The following VCL variants were observed in gnomAD, a reference collection of about 807,000 sequenced individuals.
The protein encoded by VCL is vinculin, also known as epididymis luminal protein 114.
A neutral mutation model predicts 125.7 loss-of-function variants in VCL; 47 were observed. The observed-to-expected ratio is 0.37, with a 90% CI of 0.30 to 0.48. The LOEUF (loss-of-function observed/expected upper bound fraction) is 0.48, where lower values mean the gene tolerates loss of function less well. Ranked by LOEUF, VCL falls within the 20% of genes least tolerant of loss-of-function variation. The pLI is 0.99. For missense variants in VCL, 1,069 were observed against 1,455.5 expected, an observed-to-expected ratio of 0.73 and a Z score of 4.32; for synonymous variants, 458 against 514.6, an observed-to-expected ratio of 0.89 and a Z score of 1.49.
chr10:74,069,370 G>T (rs1377278615), intron 2 of VCL, among the ~76,000 whole-genome samples: 1 of 152,144 alleles, frequency 6.6e-6, no homozygotes, highest in Non-Finnish European at 1.5e-5. Flanking sequence ...CAATGTTTGT[G>T]TCTTGCCTTA....
At chr10:74,000,963 T>G (rs556515803) in intron 1 of VCL, among the ~76,000 whole-genome samples, 1 of 152,336 alleles carries the variant, frequency 6.6e-6, no homozygotes, top group Admixed American at 6.5e-5. Flanking sequence ...TGAACAAAGG[T>G]ACTTGTGAGT....
At chr10:74,016,252 G>A (rs1840536211) in intron 1 of VCL, among the ~76,000 whole-genome samples, 1 of 152,044 alleles carries the variant, frequency 6.6e-6, no homozygotes, top group African/African-American at 2.4e-5. Flanking sequence ...TGTTCGTGTT[G>A]TTTTCCTTGG....
chr10:74,116,036 A>G (rs6480716), intron 21 of VCL, among the ~76,000 whole-genome samples: 93,300 of 152,064 alleles, frequency 0.61, 29,252 homozygotes, highest in African/African-American at 0.68. Context: ...TAGCCACACG[A>G]GGCTCATCAC....
chr10:74,025,850 C>A (rs897354765), intron 1 of VCL, among the ~76,000 whole-genome samples: 3 of 152,092 alleles, frequency 2.0e-5, no homozygotes, highest in Non-Finnish European at 4.4e-5. Flanking sequence ...GATGTGAACA[C>A]ACCAGAGTGA....
At chr10:74,061,063 A>G (rs1328636843) in intron 2 of VCL, among the ~76,000 whole-genome samples, 1 of 152,192 alleles carries the variant, frequency 6.6e-6, no homozygotes, top group Non-Finnish European at 1.5e-5. Context: ...TTATTAGTAT[A>G]TAGTTAAGAT....
chr10:74,018,801 C>T (rs556473945), intron 1 of VCL, among the ~76,000 whole-genome samples: 15 of 152,120 alleles, frequency 9.9e-5, no homozygotes, highest in Non-Finnish European at 1.9e-4. Context: ...CTCCAGCCAC[C>T]CAGTTTCCCT....
At chr10:74,101,233 T>C in intron 14 of VCL, 136 bp downstream of exon 14, 1 of 1,283,414 alleles carries the variant, frequency 7.8e-7, no homozygotes, top group Non-Finnish European at 1.1e-6. Flanking sequence ...CACCTATAAT[T>C]CCGGCACTTT....
chr10:74,000,805 A>G (rs1270575530), intron 1 of VCL, among the ~76,000 whole-genome samples: 1 of 152,224 alleles, frequency 6.6e-6, no homozygotes, highest in African/African-American at 2.4e-5. Context: ...GACAAATACA[A>G]AAGAAATAAG....
chr10:74,018,201 T>TATATATATATATATATATAA (rs1433937715), intron 1 of VCL, among the ~76,000 whole-genome samples: 67 of 139,772 alleles, frequency 4.8e-4, no homozygotes, highest in East Asian at 7.9e-4. Flanking sequence ...TATATATATA[T>TATATATATATATATATATAA]AAATACATAT....
At chr10:74,042,373 T>C (rs1370339290) in intron 1 of VCL, among the ~76,000 whole-genome samples, 2 of 152,230 alleles carry the variant, frequency 1.3e-5, no homozygotes, top group African/African-American at 4.8e-5. Context: ...CATTACTGCT[T>C]ATAAGGTATA....
intron 1 of VCL, among the ~76,000 whole-genome samples, chr10:74,017,415 A>G (rs929487138): frequency 6.6e-6 from 1 of 152,044 alleles, no homozygotes; most frequent in Non-Finnish European, 1.5e-5. Context: ...CCATTCATCC[A>G]TTGATGGACA....
intron 15 of VCL, 114 bp downstream of exon 15, chr10:74,104,042 G>A: frequency 9.5e-7 from 1 of 1,052,952 alleles, no homozygotes. Flanking sequence ...CCGGTCACGT[G>A]CTGAGCAGTG....
rs1841649357 is a variant in VCL, at chr10:74,070,661, T to A, written c.240-9T>A. ...CTGCCGGTGTGTTAACCTGTGTTCT[T>A]CCCTATAGGGTTGAGAATGCTTGCA... On this transcript the variant is annotated splice_polypyrimidine_tract_variant and intron_variant, in intron 2 of 21. Transcript: ENST00000211998. 1 of 1,614,082 alleles carries A rather than the reference T, an allele frequency of 6.2e-7. No homozygotes were observed. The highest frequency in any genetic ancestry group is 8.5e-7 in the Non-Finnish European group (1 of 1,180,014).
At position 74,071,586 on chromosome 10, in the gene VCL, T is replaced by C. The variant is rs1038873382; in HGVS notation, c.499+503T>C. On this transcript the variant is annotated intron_variant, in intron 4 of 21. Transcript: ENST00000211998. This position sits in a 1 kb window ranked among gnomAD's most constrained non-coding sequence, Gnocchi z 4.1. ...ATTTTGAAATGATTATTCAGGCATCTGAGCATTAAATATTCAAAATATATA... is the reference window on the plus strand; with the variant it reads ...ATTTTGAAATGATTATTCAGGCATCCGAGCATTAAATATTCAAAATATATA... 6.6e-6 allele frequency among the ~76,000 whole-genome samples: 1 copy of C among 152,236 alleles called. No homozygotes were observed. The highest frequency in any genetic ancestry group is 1.5e-5 in the Non-Finnish European group (1 of 68,034).
intron 2 of VCL, among the ~76,000 whole-genome samples, chr10:74,064,812 A>T (rs1841540672): frequency 6.6e-6 from 1 of 152,258 alleles, no homozygotes; most frequent in Non-Finnish European, 1.5e-5. Flanking sequence ...TTATAAAAAT[A>T]AATCATATGT....
chr10:74,087,209 A>G (rs1839793645), intron 8 of VCL, among the ~76,000 whole-genome samples: 1 of 152,056 alleles, frequency 6.6e-6, no homozygotes, highest in Non-Finnish European at 1.5e-5. Context: ...CTCAACTTCA[A>G]GGAAAAAGTG....
intron 2 of VCL, among the ~76,000 whole-genome samples, chr10:74,052,107 G>A (rs1591674393): frequency 6.6e-6 from 1 of 152,182 alleles, no homozygotes; most frequent in East Asian, 1.9e-4. Flanking sequence ...GAAAGGGGCA[G>A]TAACGTCTGG....
At chr10:74,037,434 T>C (rs1478293046) in intron 1 of VCL, among the ~76,000 whole-genome samples, 1 of 152,222 alleles carries the variant, frequency 6.6e-6, no homozygotes, top group Non-Finnish European at 1.5e-5. Context: ...ACAAAGTGGT[T>C]CTTTGGAAGT....
chr10:74,105,477 GT>G, intron 16 of VCL, 124 bp downstream of exon 16: 1 of 1,161,656 alleles, frequency 8.6e-7, no homozygotes. Context: ...TAGACACTTA[GT>G]TTGAGAATGC....
Sources: gnomAD v4.1 joint callset for allele counts (sites outside exome capture counted in the v4.1 genomes callset) on GRCh38, gnomAD v4.1.1 for gene constraint, Gnocchi (gnomAD v3.1) non-coding constraint, MANE v1.5 for transcripts, NCBI Gene and HGNC (gene_info 2026-07-23, HGNC 2026-07-21) for gene names.